Variants in C3 observed in about 807,000 individuals in gnomAD.
C3 encodes complement C3.
In C3, 97 loss-of-function variants were observed where a neutral mutation model predicts 207.9. The observed-to-expected ratio is 0.47, with a 90% CI of 0.40 to 0.55. The LOEUF is 0.55. Ranked by LOEUF, C3 falls within the 20% of genes least tolerant of loss-of-function variation. The probability of loss-of-function intolerance (pLI) is 0.00; values close to 1 mark genes in which losing one functional copy is unlikely to be tolerated. For missense variants in C3, 1,684 were observed against 2,171.7 expected (o/e 0.78, Z 4.46); for synonymous variants, 848 against 857.6 (o/e 0.99, Z 0.20).
At chr19:6,707,431 G>A (rs1204401307) in intron 16 of C3, 35 bp downstream of exon 16, 7 of 1,611,174 alleles carry the variant, frequency 4.3e-6, no homozygotes, top group Non-Finnish European at 5.9e-6. Flanking sequence ...CTGGGGTGGG[G>A]CTCGGGGGCA....
chr19:6,689,917 G>T (rs1050855276), intron 27 of C3, among the ~76,000 whole-genome samples: 1 of 152,214 alleles, frequency 6.6e-6, no homozygotes, highest in African/African-American at 2.4e-5. Flanking sequence ...GGGAGGCAAA[G>T]GGTGCAGTGA....
At position 6,707,457 on chromosome 19, in the gene C3, G is replaced by A; in HGVS notation, c.2047+9C>T. 2 of 1,613,778 alleles carry A rather than the reference G, an allele frequency of 1.2e-6. No homozygotes were observed. Among genetic ancestry groups the A allele is most frequent in the South Asian group, 1.1e-5 (1 of 91,072 alleles). ...CTCGGGGGCAGGAGTGGGTAGGAAAGGCTCCCACCTTTGTCCATTCGCTTC... is the reference window on the plus strand; with the variant it reads ...CTCGGGGGCAGGAGTGGGTAGGAAAAGCTCCCACCTTTGTCCATTCGCTTC... On this transcript the variant is annotated intron_variant, in intron 16 of 40. Transcript: ENST00000245907.
chr19:6,697,260 C>G, intron 21 of C3, 84 bp downstream of exon 21: 1 of 1,024,176 alleles, frequency 9.8e-7, no homozygotes. Flanking sequence ...GTCTCAGAGC[C>G]TGGATCTCCA....
intron 19 of C3, 53 bp downstream of exon 19, chr19:6,702,074 T>A (rs534698947): frequency 1.1e-6 from 1 of 932,958 alleles, no homozygotes; most frequent in Admixed American, 1.7e-5. Flanking sequence ...GAGATGACAC[T>A]CAGACACCCT....
chr19:6,708,004 G>A, intron 14 of C3, 75 bp from the exon 15 acceptor site: 1 of 1,574,816 alleles, frequency 6.3e-7, no homozygotes, highest in East Asian at 2.2e-5. Context: ...ATGCACCTGT[G>A]TATCTCTTCC....
At chr19:6,681,340 T>TAAAAAAAAA (rs71177112) in intron 35 of C3, among the ~76,000 whole-genome samples, 1 of 95,124 alleles carries the variant, frequency 1.1e-5, no homozygotes, top group African/African-American at 4.1e-5. Context: ...AGGCTGCAGT[T>TAAAAAAAAA]AAAAAAAAAA....
intron 17 of C3, among the ~76,000 whole-genome samples, chr19:6,705,056 C>T (rs1967745948): frequency 6.6e-6 from 1 of 152,068 alleles, no homozygotes; most frequent in African/African-American, 2.4e-5. Context: ...GATGGAATTC[C>T]TAAAAGAGAT....
intron 19 of C3, among the ~76,000 whole-genome samples, chr19:6,700,546 AATATATAAT>A (rs201770506): frequency 0.023 from 756 of 32,948 alleles, 170 homozygotes; most frequent in Middle Eastern, 0.05. Flanking sequence ...TTATATATGT[AATATATAAT>A]ATATGTAATA....
chr19:6,692,346 C>T (rs749895051), intron 26 of C3, among the ~76,000 whole-genome samples: 5 of 152,096 alleles, frequency 3.3e-5, no homozygotes, highest in Non-Finnish European at 5.9e-5. Context: ...AACCAGTGCT[C>T]GAAGGAGTTT....
Position 6,720,546 on chromosome 19 carries a change from G to C in C3, c.44C>G (p.Thr15Ser), listed in dbSNP as rs776845513. ...ACTCCCCAGAGCCAGGGGGAGGTGGGTTAGTAGCAGGAGCAGCAGGCTGGG... is the reference window on the plus strand; with the variant it reads ...ACTCCCCAGAGCCAGGGGGAGGTGGCTTAGTAGCAGGAGCAGCAGGCTGGG... Reference protein sequence around the residue: ...SGPSLLLLLLTHLPLALGSPM... With the variant: ...SGPSLLLLLLSHLPLALGSPM... The change falls in exon 1 of 41, where the codon ACC becomes AGC. Residue 15 changes from threonine (T) to serine (S), a missense_variant. Physicochemically the swap from Thr to Ser is moderately conservative, Grantham distance 58. Coordinates refer to ENST00000245907, the MANE Select transcript of C3 (RefSeq NM_000064.4). The C allele has an allele frequency of 5.0e-6, 8 of 1,593,928 alleles. No homozygotes were observed. The highest frequency in any genetic ancestry group is 6.8e-6 in the Non-Finnish European group (8 of 1,170,186).
chr19:6,708,541 C>T (rs1489701976), intron 14 of C3, among the ~76,000 whole-genome samples: 1 of 149,070 alleles, frequency 6.7e-6, no homozygotes, highest in East Asian at 2.0e-4. Context: ...CCTTTGCTCC[C>T]CCTTTCCTTC....
chr19:6,714,224 G>C lies in C3; in HGVS notation c.624C>G (p.Ala208=). ...LVNMGQWKIR[A]YYENSPQQVF... is the part of the protein sequence containing the mutation. The stretch of plus-strand genomic sequence containing the variant: ...CCTGCTGTGGTGAGTTTTCATAGTA[G>C]GCTCGGATCTTCCACTGGCCCATGC... Residue 208 remains alanine, a synonymous_variant, in exon 6 of 41, where the codon GCC becomes GCG. Transcript: ENST00000245907. 1 of 1,613,866 alleles carries C rather than the reference G, an allele frequency of 6.2e-7. No individual in the cohort carries two copies. The highest frequency in any genetic ancestry group is 8.5e-7 in the Non-Finnish European group (1 of 1,179,994).
rs757609303 is a variant in C3, at chr19:6,720,583, G to A, written c.7C>T (p.Pro3Ser). 24 of 1,579,070 alleles carry A rather than the reference G, an allele frequency of 1.5e-5. No individual in the cohort carries two copies. In the East Asian group the frequency reaches 5.1e-4, roughly 33 times the overall value. Reference sequence around the variant, plus strand: ...AGCAGCAGGCTGGGACCTGAGGTGGGTCCCATGGTGCTGGGACAGTGCAGG... The same window carrying A: ...AGCAGCAGGCTGGGACCTGAGGTGGATCCCATGGTGCTGGGACAGTGCAGG... Reference protein sequence around the residue: MGPTSGPSLLLLL... With the variant: MGSTSGPSLLLLL... The change falls in exon 1 of 41, where the codon CCC becomes TCC. Residue 3 changes from proline (P) to serine (S), a missense_variant. Physicochemically the swap from Pro to Ser is moderately conservative, Grantham distance 74. Transcript: ENST00000245907.
chr19:6,679,373 C>T (rs1467579787), intron 37 of C3, 34 bp downstream of exon 37: 6 of 1,565,938 alleles, frequency 3.8e-6, no homozygotes, highest in Admixed American at 3.3e-5. Flanking sequence ...GTGGCTTGCT[C>T]AGACCCACCT....
rs1273718812 is a variant in C3, at chr19:6,720,595, T to C, written c.-6A>G. On this transcript the variant is annotated 5_prime_UTR_variant, in exon 1 of 41. Transcript: ENST00000245907. ...GGACCTGAGGTGGGTCCCATGGTGC[T>C]GGGACAGTGCAGGGTCAGAGGGACA... 6.4e-7 allele frequency: 1 copy of C among 1,572,448 alleles called. No individual in the cohort carries two copies. The highest frequency in any genetic ancestry group is 1.3e-5 in the African/African-American group (1 of 74,302).
At chr19:6,696,065 C>G (rs1967524808) in intron 23 of C3, among the ~76,000 whole-genome samples, 1 of 151,662 alleles carries the variant, frequency 6.6e-6, no homozygotes, top group South Asian at 2.1e-4. Context: ...AAAAAATTAG[C>G]CGGGCGTGGT....
intron 4 of C3, chr19:6,717,545 TTGTG>T (rs917017938): frequency 1.2e-5 from 3 of 244,898 alleles, no homozygotes; most frequent in Admixed American, 5.1e-5. Context: ...TGTTGTGTGG[TTGTG>T]TATGTTGTGT....
In C3 at chr19:6,685,077, G is replaced by A. The variant is rs765580707; in HGVS notation, c.3880C>T (p.Leu1294Phe). 4.3e-6 allele frequency: 7 copies of A among 1,614,000 alleles called. No homozygotes were observed. The African/African-American group carries it at 6.7e-5, about 15-fold the overall frequency. The change falls in exon 30 of 41, where the codon CTT (leucine) becomes TTT (phenylalanine). Residue 1294 changes from leucine to phenylalanine, a missense_variant. Physicochemically the swap from Leu to Phe is conservative, Grantham distance 22. Transcript: ENST00000245907. ...KDAPDHQELN[L>F]DVSLQLPSRS... ...CTGGGCAGTTGGAGGGACACATCAA[G>A]GTTCAGTTCCTGGTGGTCAGGGGCG...
In C3 at chr19:6,710,802, C is replaced by G; in HGVS notation, c.1523G>C (p.Arg508Pro). The G allele has an allele frequency of 2.5e-6, 4 of 1,613,956 alleles. No individual in the cohort carries two copies. The highest frequency in any genetic ancestry group is 3.4e-6 in the Non-Finnish European group (4 of 1,180,022). The change falls in exon 13 of 41, where the codon CGA becomes CCA. Residue 508 changes from arginine (R) to proline (P), a missense_variant. Around this residue, in one of 3 missense-constraint regions of C3, gnomAD observed 1,280 missense variants for 1,739.1 expected, o/e 0.74. Coordinates refer to ENST00000245907, the MANE Select transcript of C3 (RefSeq NM_000064.4). Reference sequence around the variant, plus strand: ...CACCACCAGGTCCTGGCCGGGCTCTCGCACCTGGCGTCCCGCCTTCAACAG... The same window carrying G: ...CACCACCAGGTCCTGGCCGGGCTCTGGCACCTGGCGTCCCGCCTTCAACAG... Reference protein sequence around the residue: ...GRLLKAGRQVREPGQDLVVLP... With the variant: ...GRLLKAGRQVPEPGQDLVVLP...
Sources: gnomAD v4.1 joint callset for allele counts (sites outside exome capture counted in the v4.1 genomes callset) on GRCh38, gnomAD v4.1.1 for gene constraint, gnomAD v4.1.1 regional missense constraint, MANE v1.5 for transcripts, NCBI Gene and HGNC (gene_info 2026-07-23, HGNC 2026-07-21) for gene names.